The following BEND2 variants were observed in gnomAD, a reference collection of about 807,000 sequenced individuals.
BEND2 encodes the protein BEN domain containing 2.
A neutral mutation model predicts 43.8 loss-of-function variants in BEND2; 19 were observed. That is an observed-to-expected ratio of 0.43 (90% CI 0.30 to 0.64). The LOEUF (loss-of-function observed/expected upper bound fraction) is 0.64, where lower values mean the gene tolerates loss of function less well. Ranked by LOEUF, BEND2 falls within the 30% of genes least tolerant of loss-of-function variation. The pLI is 0.11. For missense variants in BEND2, 544 were observed against 574.0 expected, an observed-to-expected ratio of 0.95 and a Z score of 0.53; for synonymous variants, 226 against 210.1, an observed-to-expected ratio of 1.08 and a Z score of -0.66.
At chrX:18,192,677 C>A (rs1924809772) in intron 7 of BEND2, among the ~76,000 whole-genome samples, 2 of 112,393 alleles carry the variant, frequency 1.8e-5, no homozygotes, top group African/African-American at 6.5e-5. Context: ...TTGTAATAGT[C>A]AAAAACTAGA....
rs746460131 is a variant in BEND2, at chrX:18,216,523, T to C, written c.236A>G (p.Tyr79Cys). 9 of 1,197,352 alleles carry C rather than the reference T, an allele frequency of 7.5e-6. No homozygotes were observed. The highest frequency in any genetic ancestry group is 1.0e-5 in the Non-Finnish European group (9 of 883,954). Residue 79 changes from tyrosine (Y) to cysteine (C), a missense_variant and splice_region_variant, in exon 2 of 14, where the codon TAT becomes TGT. By Grantham distance (194) the Tyr-to-Cys change is radical (BLOSUM62 -2). Coordinates refer to ENST00000380033, the MANE Select transcript of BEND2 (RefSeq NM_153346.5). ...DGHHRPLQMSYGSGSVTQAGV... is the reference protein window; with the variant it reads ...DGHHRPLQMSCGSGSVTQAGV... ...AGGATGAAATTTAACAAAATTACCA[T>C]ATGACATTTGGAGTGGACGGTGATG...
chrX:18,203,902 A>G lies in BEND2; in HGVS notation c.506T>C (p.Ile169Thr). 1 of 1,199,204 alleles carries G rather than the reference A, an allele frequency of 8.3e-7. No individual in the cohort carries two copies. Among genetic ancestry groups the G allele is most frequent in the Non-Finnish European group, 1.1e-6 (1 of 886,045 alleles). ...RFYTPEVQSSISPPAERQETH... is the reference protein window; with the variant it reads ...RFYTPEVQSSTSPPAERQETH... ...TTCCTGCCTTTCCGCTGGTGGTGAT[A>G]TGCTAGACTGTACCTATCCAGGGTA... is the stretch of plus-strand genomic sequence containing the variant. Residue 169 changes from isoleucine to threonine, a missense_variant, in exon 5 of 14, where the codon ATA (isoleucine) becomes ACA (threonine). Transcript: ENST00000380033.
chrX:18,200,502 CA>C (rs397895069), intron 6 of BEND2, among the ~76,000 whole-genome samples: 3,301 of 38,607 alleles, frequency 0.086, 47 homozygotes, highest in Non-Finnish European at 0.1. Flanking sequence ...GACTCTGTCT[CA>C]AAAAAAAAAA....
chrX:18,173,286 T>C (rs1445348715), intron 12 of BEND2, among the ~76,000 whole-genome samples: 1 of 111,804 alleles, frequency 8.9e-6, no homozygotes, highest in Non-Finnish European at 1.9e-5. Flanking sequence ...AACTGGTGAC[T>C]TGTGTTGTTT....
chrX:18,186,048 T>TAAC (rs1924558570), intron 8 of BEND2, among the ~76,000 whole-genome samples: 1 of 112,050 alleles, frequency 8.9e-6, no homozygotes, highest in South Asian at 3.7e-4. Context: ...AACTTACTGG[T>TAAC]AATAACAACA....
At chrX:18,201,758 G>A (rs986226233) in intron 6 of BEND2, 57 bp downstream of exon 6, 1 of 1,139,289 alleles carries the variant, frequency 8.8e-7, no homozygotes, top group African/African-American at 1.9e-5. Context: ...CTCCCAAAGT[G>A]CTGGGATTAC....
chrX:18,196,079 C>T (rs1389942441), intron 6 of BEND2, among the ~76,000 whole-genome samples: 1 of 110,662 alleles, frequency 9.0e-6, no homozygotes, highest in African/African-American at 3.3e-5. Context: ...TGGGCGGATC[C>T]CCTGAGGTCA....
intron 4 of BEND2, among the ~76,000 whole-genome samples, chrX:18,207,333 G>A (rs191338514): frequency 1.1e-3 from 117 of 111,094 alleles, no homozygotes; most frequent in African/African-American, 3.0e-3. Context: ...GAAAATCCCC[G>A]GTAATCACAT....
At chrX:18,204,805 A>G (rs1925278165) in intron 4 of BEND2, among the ~76,000 whole-genome samples, 1 of 111,729 alleles carries the variant, frequency 9.0e-6, no homozygotes, top group African/African-American at 3.3e-5. Context: ...CACATTGATG[A>G]TGAAGACGCT....
At position 18,189,417 on chromosome X, in the gene BEND2, G is replaced by A. The variant is rs186550477; in HGVS notation, c.1288+1584C>T. On this transcript the variant is annotated intron_variant, in intron 8 of 13. Transcript: ENST00000380033. ...CCCAGCTACTTGGGAGGCTGAGTTGGGAGGATCTTTTGAGCCTGAGGGGGT... is the reference window on the plus strand; with the variant it reads ...CCCAGCTACTTGGGAGGCTGAGTTGAGAGGATCTTTTGAGCCTGAGGGGGT... Among the ~76,000 whole-genome samples the A allele has an allele frequency of 4.6e-4, 51 of 110,671 alleles. No individual in the cohort carries two copies. The East Asian group carries it at 9.7e-3, about 21-fold the overall frequency.
intron 4 of BEND2, among the ~76,000 whole-genome samples, chrX:18,208,901 G>A (rs144802985): frequency 2.2e-3 from 240 of 111,288 alleles, no homozygotes; most frequent in African/African-American, 7.5e-3. Flanking sequence ...CCAGATCTCG[G>A]TTTCTAAATA....
chrX:18,171,023 G>T lies in BEND2; in HGVS notation c.2163C>A (p.Pro721=). 1 of 1,209,662 alleles carries T rather than the reference G, an allele frequency of 8.3e-7. No homozygotes were observed. Among genetic ancestry groups the T allele is most frequent in the South Asian group, 1.8e-5 (1 of 56,969 alleles). Residue 721 remains proline, a synonymous_variant, in exon 13 of 14, where the codon CCC becomes CCA. Coordinates refer to ENST00000380033, the MANE Select transcript of BEND2 (RefSeq NM_153346.5). ...AACCTCGGAGAGCACTAATCTTATT[G>T]GGGTCAAGGGCACACAGGCCATGCT... ...NLKHGLCALD[P]NKISALREFL...
chrX:18,204,857 A>G (rs1330424627), intron 4 of BEND2, among the ~76,000 whole-genome samples: 1 of 111,868 alleles, frequency 8.9e-6, no homozygotes, highest in Non-Finnish European at 1.9e-5. Context: ...AAATCCTCAA[A>G]TCTGCTAAAA....
At chrX:18,205,077 G>T (rs1390125258) in intron 4 of BEND2, among the ~76,000 whole-genome samples, 1 of 110,570 alleles carries the variant, frequency 9.0e-6, no homozygotes, top group Non-Finnish European at 1.9e-5. Context: ...CATCCCCTAC[G>T]TGCCAATCAA....
At chrX:18,166,749 G>A (rs1398074401) in intron 13 of BEND2, among the ~76,000 whole-genome samples, 1 of 110,320 alleles carries the variant, frequency 9.1e-6, no homozygotes. Context: ...AATTAGCCAG[G>A]CATGGTGGTG....
chrX:18,209,507 T>TA (rs748830096), intron 4 of BEND2, among the ~76,000 whole-genome samples: 1 of 111,082 alleles, frequency 9.0e-6, no homozygotes, highest in Non-Finnish European at 1.9e-5. Context: ...ACATCACCAA[T>TA]AAAAAAAATA....
intron 8 of BEND2, among the ~76,000 whole-genome samples, chrX:18,189,756 A>G (rs1031089332): frequency 2.7e-5 from 3 of 111,782 alleles, no homozygotes; most frequent in African/African-American, 9.7e-5. Flanking sequence ...TCATTTCGAA[A>G]GGCCAATGCA....
At chrX:18,177,520 C>A in intron 10 of BEND2, 49 bp downstream of exon 10, 1 of 1,119,158 alleles carries the variant, frequency 8.9e-7, no homozygotes, top group Non-Finnish European at 1.2e-6. Flanking sequence ...ATTATATGAC[C>A]AAATGATGAT....
At chrX:18,195,246 A>G in intron 7 of BEND2, 50 bp downstream of exon 7, 1 of 1,131,034 alleles carries the variant, frequency 8.8e-7, no homozygotes, top group Non-Finnish European at 1.2e-6. Context: ...AAGAATGTTG[A>G]TGAATCTAGA....
Sources: gnomAD v4.1 joint callset for allele counts (sites outside exome capture counted in the v4.1 genomes callset) on GRCh38, gnomAD v4.1.1 for gene constraint, MANE v1.5 for transcripts, NCBI Gene and HGNC (gene_info 2026-07-23, HGNC 2026-07-21) for gene names.